The following CFAP70 variants were observed in gnomAD, a reference collection of about 807,000 sequenced individuals.
CFAP70 encodes the protein cilia and flagella associated protein 70, also known as cilia- and flagella-associated protein 70.
A neutral mutation model predicts 137.6 loss-of-function variants in CFAP70; 81 were observed. That is an observed-to-expected ratio of 0.59 (90% CI 0.49 to 0.71). The LOEUF is 0.71. Among genes scored for constraint, CFAP70 ranks in the 30% least tolerant of loss-of-function variants. The pLI is 0.00. For missense variants in CFAP70, 976 were observed against 1,226.7 expected (o/e 0.80, Z 3.05); for synonymous variants, 382 against 423.6 (o/e 0.90, Z 1.20).
At chr10:73,270,439 TCC>T (rs2046168173) in intron 24 of CFAP70, among the ~76,000 whole-genome samples, 1 of 91,154 alleles carries the variant, frequency 1.1e-5, no homozygotes, top group Non-Finnish European at 2.0e-5. Context: ...CTCTCTCCTC[TCC>T]CCTCCCCTCC....
intron 19 of CFAP70, among the ~76,000 whole-genome samples, chr10:73,281,555 C>G (rs925786321): frequency 6.6e-6 from 1 of 151,956 alleles, no homozygotes; most frequent in Non-Finnish European, 1.5e-5. Context: ...GTGGGTGGAG[C>G]CTGGTTTGCT....
At chr10:73,323,476 G>A (rs1169705057) in intron 8 of CFAP70, among the ~76,000 whole-genome samples, 4 of 152,204 alleles carry the variant, frequency 2.6e-5, no homozygotes, top group Non-Finnish European at 5.9e-5. Flanking sequence ...AGTGGGCACA[G>A]GTCAGTGGGT....
At chr10:73,256,028 A>G (rs141436304) in intron 26 of CFAP70, among the ~76,000 whole-genome samples, 2 of 152,318 alleles carry the variant, frequency 1.3e-5, no homozygotes, top group Admixed American at 1.3e-4. Flanking sequence ...CCTAGACTAG[A>G]CCAACCCCTA....
intron 12 of CFAP70, among the ~76,000 whole-genome samples, chr10:73,303,863 G>T (rs1291215350): frequency 6.6e-6 from 1 of 152,084 alleles, no homozygotes; most frequent in Non-Finnish European, 1.5e-5. Flanking sequence ...AATAAATGTG[G>T]TCTCTTTTGT....
chr10:73,360,035 T>C (rs2054945724), upstream of CFAP70, among the ~76,000 whole-genome samples: 1 of 152,196 alleles, frequency 6.6e-6, no homozygotes, highest in Non-Finnish European at 1.5e-5. Flanking sequence ...AAATTCAATA[T>C]GTATCTCTGT....
At chr10:73,311,754 G>T in intron 11 of CFAP70, 80 bp downstream of exon 12, 1 of 1,103,306 alleles carries the variant, frequency 9.1e-7, no homozygotes, top group Non-Finnish European at 1.4e-6. Context: ...TCCTGCCTGA[G>T]CATTTTCCAT....
rs199616410 is a variant in CFAP70 at position 73,274,428 on chromosome 10, C to T, written c.2835+5G>A. 28 of 1,608,470 alleles carry T rather than the reference C, an allele frequency of 1.7e-5. 1 individual carries two copies. The Admixed American group carries it at 2.9e-4, about 17-fold the overall frequency. Reference sequence around the variant, plus strand: ...CGGGGTTATTCCCCATTCTCTACCCCTCACCTCTTTCTCTTCCAGATAGAT... The same window carrying T: ...CGGGGTTATTCCCCATTCTCTACCCTTCACCTCTTTCTCTTCCAGATAGAT... On this transcript the variant is annotated splice_donor_5th_base_variant and intron_variant, in intron 23 of 26. Coordinates refer to ENST00000310715, the Ensembl canonical transcript of CFAP70.
intron 6 of CFAP70, among the ~76,000 whole-genome samples, chr10:73,336,224 C>T (rs2052644333): frequency 6.6e-6 from 1 of 152,000 alleles, no homozygotes; most frequent in Admixed American, 6.5e-5. Context: ...TAAGACTTGG[C>T]CATTGTCATT....
At chr10:73,290,252 T>C (rs7091445) in intron 19 of CFAP70, among the ~76,000 whole-genome samples, 3,433 of 152,224 alleles carry the variant, frequency 0.023, 115 homozygotes, top group African/African-American at 0.072. Flanking sequence ...TAATTATGCA[T>C]AGATAAAAAA....
intron 9 of CFAP70, among the ~76,000 whole-genome samples, chr10:73,315,077 G>T (rs1021176121): frequency 1.3e-5 from 2 of 151,892 alleles, no homozygotes; most frequent in Admixed American, 6.6e-5. Flanking sequence ...TAATTAGCTG[G>T]ATGTGGTGGC....
chr10:73,348,625 AAT>A, intron 3 of CFAP70, 104 bp from the exon 4 acceptor site: 1 of 766,706 alleles, frequency 1.3e-6, no homozygotes, highest in African/African-American at 1.7e-5. Context: ...GTTAAAAAAA[AAT>A]AAACTTGAAA....
chr10:73,334,834 T>C (rs2052476623), intron 7 of CFAP70, among the ~76,000 whole-genome samples: 1 of 151,680 alleles, frequency 6.6e-6, no homozygotes, highest in South Asian at 2.1e-4. Flanking sequence ...CGCCTCGGCC[T>C]TTCAAAGAGC....
At chr10:73,274,650 TG>T in intron 22 of CFAP70, 56 bp from the exon 24 acceptor site, 1 of 1,425,422 alleles carries the variant, frequency 7.0e-7, no homozygotes, top group Non-Finnish European at 9.5e-7. Flanking sequence ...AAAAGTACCT[TG>T]ATGATCTTTG....
At chr10:73,345,386 TA>T (rs1316353283) in intron 4 of CFAP70, 142 bp from the exon 6 acceptor site, 11 of 765,810 alleles carry the variant, frequency 1.4e-5, no homozygotes, top group African/African-American at 3.5e-5. Context: ...CCATGTTCTC[TA>T]AGTCCCATGA....
rs769671541 is a variant in CFAP70 at position 73,253,932 on chromosome 10, G to T, written c.*43C>A. 1.4e-5 allele frequency: 21 copies of T among 1,488,800 alleles called. No individual in the cohort carries two copies. In the East Asian group the frequency reaches 4.8e-4, roughly 34 times the overall value. 92.2% of individuals were successfully genotyped at this position (1,488,800 alleles called of 1,614,324 possible). ...CGGTAAAACTCTCTGGGAAGGAAAG[G>T]AACTCAGAGTCCCATGCAGAAAATT... is the stretch of plus-strand genomic sequence containing the variant. On this transcript the variant is annotated 3_prime_UTR_variant, in exon 27 of 27. Coordinates refer to ENST00000310715, the Ensembl canonical transcript of CFAP70.
intron 13 of CFAP70, 31 bp from the exon 15 acceptor site, chr10:73,299,132 C>G (rs926579738): frequency 1.3e-6 from 2 of 1,531,710 alleles, no homozygotes; most frequent in South Asian, 1.2e-5. Context: ...TGGTAGACGC[C>G]TCAGAGAGGT....
intron 4 of CFAP70, among the ~76,000 whole-genome samples, chr10:73,347,281 T>G (rs765640653): frequency 6.6e-6 from 1 of 152,102 alleles, no homozygotes; most frequent in Admixed American, 6.5e-5. Flanking sequence ...GAGTACTAAG[T>G]AGGGGAAGAG....
At chr10:73,312,709 AT>A (rs769095968) in intron 9 of CFAP70, 66 bp from the exon 11 acceptor site, 1,377 of 1,340,336 alleles carry the variant, frequency 1.0e-3, no homozygotes, top group South Asian at 1.4e-3. Context: ...AATACACATT[AT>A]TTTTTTTTAC....
At chr10:73,339,914 G>A (rs1443875752) in intron 6 of CFAP70, among the ~76,000 whole-genome samples, 2 of 152,214 alleles carry the variant, frequency 1.3e-5, no homozygotes, top group African/African-American at 4.8e-5. Flanking sequence ...AATGTGATGA[G>A]CAAGGGACAT....
Sources: allele counts gnomAD v4.1 joint callset (sites outside exome capture counted in the v4.1 genomes callset), GRCh38; gene constraint gnomAD v4.1.1; transcripts MANE v1.5; gene names NCBI Gene and HGNC (gene_info 2026-07-23, HGNC 2026-07-21).